Variants in OR56A4 observed in about 807,000 individuals in gnomAD.
OR56A4 encodes the protein olfactory receptor 56A4.
Under a neutral mutation model 13.6 loss-of-function variants are expected in OR56A4, and 9 were observed. The observed-to-expected ratio is 0.66, with a 90% CI of 0.40 to 1.15. The LOEUF is 1.15. Ranked by LOEUF, OR56A4 falls within the 50% of genes most tolerant of loss-of-function variation. The pLI, the probability that OR56A4 is intolerant of heterozygous loss-of-function variation, is 0.01. For missense variants in OR56A4, 380 were observed against 375.9 expected (o/e 1.01, Z -0.09); for synonymous variants, 167 against 153.9 (o/e 1.08, Z -0.63).
chr11:6,004,844 T>C (rs987565906), intron 2 of OR56A4, among the ~76,000 whole-genome samples: 2 of 152,220 alleles, frequency 1.3e-5, no homozygotes, highest in Admixed American at 1.3e-4. Flanking sequence ...AATAGTGTTT[T>C]CTTAGTTCCT....
Position 6,002,745 on chromosome 11 carries a change from T to C in OR56A4, c.248A>G (p.Lys83Arg), listed in dbSNP as rs1427725909. 3.1e-6 allele frequency: 5 copies of C among 1,614,130 alleles called. No individual in the cohort carries two copies. In the South Asian group the frequency reaches 5.5e-5, roughly 18 times the overall value. Residue 83 changes from lysine to arginine, a missense_variant, in exon 3 of 3, where the codon AAG (lysine) becomes AGG (arginine). Coordinates refer to ENST00000641156, the MANE Select transcript of OR56A4 (RefSeq NM_001005179.4). ...DIVLCLTVIP[K>R]VLAIFWFDLR... ...GTCAAACCAGAAGATGGCCAGGACC[T>C]TGGGGATGACGGTGAGGCAGAGCAC...
At position 6,001,137 on chromosome 11, in the gene OR56A4, T is replaced by A. The variant is rs1411422386; in HGVS notation, c.*914A>T. 6.6e-6 allele frequency: 1 copy of A among 152,140 alleles called. No homozygotes were observed. Among genetic ancestry groups the A allele is most frequent in the Non-Finnish European group, 1.5e-5 (1 of 68,034 alleles). 9.4% of individuals were successfully genotyped at this position (152,140 alleles called of 1,614,324 possible). A position where few individuals can be genotyped will look rare whatever the true frequency, so the allele number is the denominator to read the frequency against. On this transcript the variant is annotated 3_prime_UTR_variant, in exon 3 of 3. Coordinates refer to ENST00000641156, the MANE Select transcript of OR56A4 (RefSeq NM_001005179.4). Reference sequence around the variant, plus strand: ...TTCTGTGAAAAACAAACCTAGAACTTTCATGTCTGGGAAACTGTTGGCAGC... The same window carrying A: ...TTCTGTGAAAAACAAACCTAGAACTATCATGTCTGGGAAACTGTTGGCAGC...
At chr11:6,003,654 G>A (rs1848235501) in intron 2 of OR56A4, among the ~76,000 whole-genome samples, 2 of 152,158 alleles carry the variant, frequency 1.3e-5, no homozygotes, top group South Asian at 4.1e-4. Flanking sequence ...GGGAGACATG[G>A]AGAGAACATG....
chr11:6,002,984 A>T lies in OR56A4; in HGVS notation c.9T>A (p.Ser3=), dbSNP rs780957796. 6.8e-6 allele frequency: 11 copies of T among 1,614,154 alleles called. No individual in the cohort carries two copies. Among genetic ancestry groups the T allele is most frequent in the Admixed American group, 5.0e-5 (3 of 60,026 alleles). The change falls in exon 3 of 3, where the codon TCT becomes TCA. Residue 3 remains serine, a synonymous_variant. Transcript: ENST00000641156. The part of the protein sequence containing the change: MA[S]PSNDSTAPVS... ...CTGGGGCAGTGGAGTCATTGCTGGG[A>T]GATGCCATGTAAAGTTTCCTGATCA... is the stretch of plus-strand genomic sequence containing the variant.
At chr11:6,003,262 A>C in intron 2 of OR56A4, 1 of 635,186 alleles carries the variant, frequency 1.6e-6, no homozygotes, top group Non-Finnish European at 2.5e-6. Flanking sequence ...TGTTATCCTA[A>C]TGTTACAGGT....
chr11:6,002,459 C>G lies in OR56A4; in HGVS notation c.534G>C (p.Lys178Asn), dbSNP rs751306644. The G allele has an allele frequency of 6.2e-7, 1 of 1,614,192 alleles. No individual in the cohort carries two copies. Among genetic ancestry groups the G allele is most frequent in the Non-Finnish European group, 8.5e-7 (1 of 1,180,016 alleles). Residue 178 changes from lysine (K) to asparagine (N), a missense_variant, in exon 3 of 3, where the codon AAG (lysine) becomes AAC (asparagine). Transcript: ENST00000641156. ...CAGACAGGTTACTGCAGATGCAGTTCTTGATTATGTTTCCTGCACAGTATC... is the reference window on the plus strand; with the variant it reads ...CAGACAGGTTACTGCAGATGCAGTTGTTGATTATGTTTCCTGCACAGTATC... ...RLRYCAGNII[K>N]NCICSNLSVS...
At position 6,001,749 on chromosome 11, in the gene OR56A4, A is replaced by G; in HGVS notation, c.*302T>C. On this transcript the variant is annotated 3_prime_UTR_variant, in exon 3 of 3. Transcript: ENST00000641156. ...AAGTTTGTTTCTTTAGTGGTCAAAC[A>G]CTTCCATTCTAATACAGCTCCATTT... is the stretch of plus-strand genomic sequence containing the variant. 7.6e-6 allele frequency: 2 copies of G among 264,832 alleles called. No individual in the cohort carries two copies. Among genetic ancestry groups the G allele is most frequent in the African/African-American group, 2.2e-5 (1 of 45,308 alleles). 16.4% of individuals were successfully genotyped at this position (264,832 alleles called of 1,614,324 possible).
At chr11:6,004,765 G>C (rs973223736) in intron 2 of OR56A4, among the ~76,000 whole-genome samples, 3 of 152,084 alleles carry the variant, frequency 2.0e-5, no homozygotes, top group Non-Finnish European at 4.4e-5. Flanking sequence ...TATCTGTAAA[G>C]CCTTCTCCTT....
At position 6,002,370 on chromosome 11, in the gene OR56A4, G is replaced by A; in HGVS notation, c.623C>T (p.Thr208Ile). Residue 208 changes from threonine (T) to isoleucine (I), a missense_variant, in exon 3 of 3, where the codon ACT (threonine) becomes ATT (isoleucine). Physicochemically the swap from Thr to Ile is moderately conservative, Grantham distance 89. Coordinates refer to ENST00000641156, the MANE Select transcript of OR56A4 (RefSeq NM_001005179.4). ...AAGGATAAGATCAGAGCCCAACAGA[G>A]TCCAGCCTGCCACAAACTGGTAGAG... Reference protein sequence around the residue: ...NQLYQFVAGWTLLGSDLILIV... With the variant: ...NQLYQFVAGWILLGSDLILIV... The A allele has an allele frequency of 6.2e-7, 1 of 1,614,174 alleles. No individual in the cohort carries two copies. The highest frequency in any genetic ancestry group is 8.5e-7 in the Non-Finnish European group (1 of 1,179,988).
At position 6,002,618 on chromosome 11, in the gene OR56A4, A is replaced by G; in HGVS notation, c.375T>C (p.Arg125=). Residue 125 remains arginine (R), a synonymous_variant, in exon 3 of 3, where the codon CGT becomes CGC. Coordinates refer to ENST00000641156, the MANE Select transcript of OR56A4 (RefSeq NM_001005179.4). ...TCAATGGATGGCAGATGGCCACATA[A>G]CGGTCATAGGCCATGACCATGAACG... ...SCTFMVMAYD[R]YVAICHPLRY... The G allele has an allele frequency of 6.2e-7, 1 of 1,614,230 alleles. No homozygotes were observed. Among genetic ancestry groups the G allele is most frequent in the Non-Finnish European group, 8.5e-7 (1 of 1,180,008 alleles).
intron 2 of OR56A4, among the ~76,000 whole-genome samples, chr11:6,005,345 T>C (rs2133576974): frequency 6.6e-6 from 1 of 152,142 alleles, no homozygotes; most frequent in East Asian, 1.9e-4. Context: ...CCTGCCTTCA[T>C]GGATGTTAAG....
At chr11:6,004,966 T>C (rs1170664354) in intron 2 of OR56A4, among the ~76,000 whole-genome samples, 1 of 152,186 alleles carries the variant, frequency 6.6e-6, no homozygotes, top group African/African-American at 2.4e-5. Flanking sequence ...TATAGTGCAA[T>C]ACAGTTGTGG....
chr11:6,002,965 C>T lies in OR56A4; in HGVS notation c.28G>A (p.Ala10Thr), dbSNP rs1848229020. ...ATGAGGAGGAATTCAGAGACTGGGG[C>T]AGTGGAGTCATTGCTGGGAGATGCC... The part of the protein sequence containing the change: MASPSNDST[A>T]PVSEFLLICF... Residue 10 changes from alanine (A) to threonine (T), a missense_variant, in exon 3 of 3, where the codon GCC becomes ACC. Ala to Thr is a moderately conservative substitution (Grantham distance 58). Transcript: ENST00000641156. 3 of 1,613,822 alleles carry T rather than the reference C, an allele frequency of 1.9e-6. No individual in the cohort carries two copies. The highest frequency in any genetic ancestry group is 2.5e-6 in the Non-Finnish European group (3 of 1,179,834).
rs1004151341 is a variant in OR56A4, at chr11:6,000,946, G to T, written c.*1105C>A. On this transcript the variant is annotated 3_prime_UTR_variant, in exon 3 of 3. Transcript: ENST00000641156. ...TAAGCTTCAGTACAAATGGAAGTAGGATAGTCCAGTTGGGACAGTTGTCAA... is the reference window on the plus strand; with the variant it reads ...TAAGCTTCAGTACAAATGGAAGTAGTATAGTCCAGTTGGGACAGTTGTCAA... The T allele has an allele frequency of 6.6e-6, 1 of 152,190 alleles. No individual in the cohort carries two copies. Among genetic ancestry groups the T allele is most frequent in the African/African-American group, 2.4e-5 (1 of 41,448 alleles). 9.4% of individuals were successfully genotyped at this position (152,190 alleles called of 1,614,324 possible). A position where few individuals can be genotyped will look rare whatever the true frequency, so the allele number is the denominator to read the frequency against.
At chr11:6,005,914 A>G (rs1848255048) in intron 2 of OR56A4, among the ~76,000 whole-genome samples, 1 of 152,238 alleles carries the variant, frequency 6.6e-6, no homozygotes, top group African/African-American at 2.4e-5. Context: ...TTCCGAGGAC[A>G]CAAACACTGA....
At chr11:6,003,954 C>G (rs1370998826) in intron 2 of OR56A4, among the ~76,000 whole-genome samples, 1 of 152,196 alleles carries the variant, frequency 6.6e-6, no homozygotes, top group Non-Finnish European at 1.5e-5. Flanking sequence ...GCTTTGATTA[C>G]AGCTGTTTCT....
At chr11:6,005,139 C>T (rs1196600384) in intron 2 of OR56A4, among the ~76,000 whole-genome samples, 1 of 152,044 alleles carries the variant, frequency 6.6e-6, no homozygotes, top group South Asian at 2.1e-4. Flanking sequence ...GCCCAGTTTT[C>T]TCACAAATGA....
Position 6,002,479 on chromosome 11 carries a change from A to G in OR56A4, c.514T>C (p.Cys172Arg), listed in dbSNP as rs1324940914. 1.9e-6 allele frequency: 3 copies of G among 1,614,128 alleles called. No individual in the cohort carries two copies. Among genetic ancestry groups the G allele is most frequent in the African/African-American group, 1.3e-5 (1 of 74,946 alleles). ...VPMLSARLRYCAGNIIKNCIC... is the reference protein window; with the variant it reads ...VPMLSARLRYRAGNIIKNCIC... ...CAGTTCTTGATTATGTTTCCTGCAC[A>G]GTATCTGAGCCTGGCAGAAAGCATG... The change falls in exon 3 of 3, where the codon TGT (cysteine) becomes CGT (arginine). Residue 172 changes from cysteine to arginine, a missense_variant. Coordinates refer to ENST00000641156, the MANE Select transcript of OR56A4 (RefSeq NM_001005179.4).
At chr11:6,004,506 G>T (rs1423692605) in intron 2 of OR56A4, among the ~76,000 whole-genome samples, 1 of 152,214 alleles carries the variant, frequency 6.6e-6, no homozygotes, top group Non-Finnish European at 1.5e-5. Flanking sequence ...TGCCAGAGAA[G>T]ATAATGTAAG....
Sources: allele counts gnomAD v4.1 joint callset (sites outside exome capture counted in the v4.1 genomes callset), GRCh38; gene constraint gnomAD v4.1.1; transcripts MANE v1.5; gene names NCBI Gene and HGNC (gene_info 2026-07-23, HGNC 2026-07-21).